The following ANKLE2 variants were observed in gnomAD, a reference collection of about 807,000 sequenced individuals.
ANKLE2 encodes ankyrin repeat and LEM domain-containing protein 2.
Under a neutral mutation model 84.2 loss-of-function variants are expected in ANKLE2, and 55 were observed. The observed-to-expected ratio is 0.65, with a 90% confidence interval of 0.53 to 0.82. ANKLE2 has a LOEUF of 0.82. Ranked by LOEUF, ANKLE2 falls within the 40% of genes least tolerant of loss-of-function variation. ANKLE2 has a pLI of 0.00. For synonymous variants in ANKLE2, 551 were observed against 486.1 expected (o/e 1.13, Z -1.76); for missense variants, 1,238 against 1,201.9 (o/e 1.03, Z -0.44).
intron 10 of ANKLE2, chr12:132,731,440 G>A (rs1008030472): frequency 3.3e-5 from 5 of 151,552 alleles, no homozygotes; most frequent in Non-Finnish European, 7.4e-5. Flanking sequence ...TATCATTCCA[G>A]GGAGTTTGTT....
At chr12:132,760,425 A>G (rs1255745267) in intron 1 of ANKLE2, 2 of 152,086 alleles carry the variant, frequency 1.3e-5, no homozygotes, top group Non-Finnish European at 2.9e-5. Context: ...CTTCCTGGAG[A>G]TACCAGCAGA....
In ANKLE2 at chr12:132,761,605, G is replaced by A. The variant is rs1012610644; in HGVS notation, c.181+13C>T. ...GCCAGGGTGCGGGGACCCAGCGACC[G>A]CCTGGGCCTTACCTGAGGCGGGGGC... On this transcript the variant is annotated intron_variant, in intron 1 of 12. Coordinates refer to ENST00000357997, the MANE Select transcript of ANKLE2 (RefSeq NM_015114.3). 7 of 1,229,734 alleles carry A rather than the reference G, an allele frequency of 5.7e-6. 1 individual carries two copies. The East Asian group carries it at 9.9e-5, about 17-fold the overall frequency. The allele number at this position is 1,229,734 out of a possible 1,614,324, so 76.2% of individuals were successfully genotyped here.
chr12:132,755,148 A>C lies in ANKLE2; in HGVS notation c.182-15T>G. ...TGTCATTTCACCTAGGCCCAAGACA[A>C]AAAAATCAAAGAGTCACAAAATACT... On this transcript the variant is annotated splice_polypyrimidine_tract_variant and intron_variant, in intron 1 of 12. Coordinates refer to ENST00000357997, the MANE Select transcript of ANKLE2 (RefSeq NM_015114.3). 1 of 1,577,230 alleles carries C rather than the reference A, an allele frequency of 6.3e-7. No homozygotes were observed. Among genetic ancestry groups the C allele is most frequent in the Non-Finnish European group, 8.6e-7 (1 of 1,168,856 alleles).
chr12:132,753,244 T>A (rs1238850131), intron 2 of ANKLE2, among the ~76,000 whole-genome samples: 2 of 151,366 alleles, frequency 1.3e-5, no homozygotes, highest in Non-Finnish European at 1.5e-5. Flanking sequence ...TCCTTGAGCC[T>A]GGTAGGCAGA....
At chr12:132,744,328 A>G (rs1286062455) in intron 5 of ANKLE2, among the ~76,000 whole-genome samples, 1 of 152,178 alleles carries the variant, frequency 6.6e-6, no homozygotes, top group East Asian at 1.9e-4. Context: ...GCACAGCCAG[A>G]AACACCTTCT....
chr12:132,734,166 AC>A (rs915019007), intron 10 of ANKLE2: 1 of 590,800 alleles, frequency 1.7e-6, no homozygotes, highest in Non-Finnish European at 3.0e-6. Context: ...AATCGCTTGA[AC>A]CCAGGAGGTG....
At chr12:132,744,189 C>T (rs888208474) in intron 5 of ANKLE2, among the ~76,000 whole-genome samples, 1 of 152,136 alleles carries the variant, frequency 6.6e-6, no homozygotes, top group Non-Finnish European at 1.5e-5. Context: ...TACAGACCAG[C>T]GGGCCTCATG....
chr12:132,754,010 A>G (rs1230108999), intron 2 of ANKLE2, among the ~76,000 whole-genome samples: 1 of 152,200 alleles, frequency 6.6e-6, no homozygotes, highest in Non-Finnish European at 1.5e-5. Context: ...TGGGAGGCCA[A>G]GGCAGGTGGA....
At chr12:132,758,933 GA>G (rs2044542856) in intron 1 of ANKLE2, 2 of 139,774 alleles carry the variant, frequency 1.4e-5, no homozygotes, top group Non-Finnish European at 1.6e-5. Context: ...CCACGTGGCA[GA>G]GTGGATCACG....
intron 5 of ANKLE2, among the ~76,000 whole-genome samples, chr12:132,744,595 G>A (rs1243519020): frequency 6.6e-6 from 1 of 152,166 alleles, no homozygotes; most frequent in African/African-American, 2.4e-5. Context: ...AGGTCTGGAT[G>A]TTTGCATATA....
chr12:132,736,760 G>T, intron 8 of ANKLE2, 133 bp downstream of exon 8: 1 of 1,068,882 alleles, frequency 9.4e-7, no homozygotes, highest in Non-Finnish European at 1.3e-6. Flanking sequence ...TGGATGGTTT[G>T]AGATGAGGAC....
rs774639241 is a variant in ANKLE2, at chr12:132,729,674, C to G, written c.2483+5G>C. On this transcript the variant is annotated splice_donor_5th_base_variant and intron_variant, in intron 11 of 12. Transcript: ENST00000357997. ...AAGTGAGTGCAGAGGGCAACACACT[C>G]CTACCCAAAAAGGAAGAGCCGCCTG... The G allele has an allele frequency of 1.3e-6, 2 of 1,590,906 alleles. No individual in the cohort carries two copies. Among genetic ancestry groups the G allele is most frequent in the East Asian group, 4.5e-5 (2 of 44,150 alleles).
intron 1 of ANKLE2, 189 bp from the exon 2 acceptor site, chr12:132,755,322 T>A: frequency 1.8e-6 from 1 of 543,026 alleles, no homozygotes; most frequent in Non-Finnish European, 3.2e-6. Context: ...GGCGGGCGGA[T>A]CATCTGAGGT....
At chr12:132,749,242 G>A (rs570317928) in intron 3 of ANKLE2, among the ~76,000 whole-genome samples, 15 of 152,194 alleles carry the variant, frequency 9.9e-5, no homozygotes, top group Non-Finnish European at 1.8e-4. Context: ...TGCAACCTCC[G>A]CCTTCCAGTT....
Position 132,750,672 on chromosome 12 carries a change from G to A in ANKLE2, c.818C>T (p.Ala273Val), listed in dbSNP as rs780418970. The A allele has an allele frequency of 6.2e-7, 1 of 1,614,250 alleles. No individual in the cohort carries two copies. Among genetic ancestry groups the A allele is most frequent in the South Asian group, 1.1e-5 (1 of 91,088 alleles). ...TSLPLSPVKT[A>V]PLFSNDRLKD... ...CAACCTGTCATTGCTAAAGAGTGGA[G>A]CTGTTTTCACAGGAGACAGTGGTAA... The change falls in exon 3 of 13, where the codon GCT becomes GTT. Residue 273 changes from alanine (A) to valine (V), a missense_variant. By Grantham distance (64) the Ala-to-Val change is moderately conservative. This residue lies in a region of ANKLE2 where 422 missense variants were observed against 394.5 expected (regional missense o/e 1.07). Transcript: ENST00000357997.
chr12:132,746,172 C>A (rs573659413), intron 5 of ANKLE2, among the ~76,000 whole-genome samples: 7 of 152,072 alleles, frequency 4.6e-5, no homozygotes, highest in Non-Finnish European at 8.8e-5. Flanking sequence ...CACGGTGAAA[C>A]CCCATCTCTA....
chr12:132,750,634 A>G lies in ANKLE2; in HGVS notation c.847+9T>C, dbSNP rs762834191. ...GGAACATCAAGATGTGAACGGCTGCATGATTTACCTTTCAACCTGTCATTG... is the reference window on the plus strand; with the variant it reads ...GGAACATCAAGATGTGAACGGCTGCGTGATTTACCTTTCAACCTGTCATTG... On this transcript the variant is annotated intron_variant, in intron 3 of 12. Transcript: ENST00000357997. 9.9e-6 allele frequency: 16 copies of G among 1,613,584 alleles called. No homozygotes were observed. The highest frequency in any genetic ancestry group is 1.3e-5 in the Non-Finnish European group (15 of 1,179,796).
At chr12:132,733,620 G>A (rs140620565) in intron 10 of ANKLE2, among the ~76,000 whole-genome samples, 428 of 150,232 alleles carry the variant, frequency 2.8e-3, no homozygotes, top group Non-Finnish European at 5.0e-3. Flanking sequence ...GAAATGCACC[G>A]TGTGAAGCTC....
intron 5 of ANKLE2, among the ~76,000 whole-genome samples, chr12:132,744,781 C>A (rs1434261724): frequency 6.6e-6 from 1 of 152,080 alleles, no homozygotes; most frequent in Non-Finnish European, 1.5e-5. Flanking sequence ...CCCGGGTTCA[C>A]GCCATTCTCC....
Sources: gnomAD v4.1 joint callset for allele counts (sites outside exome capture counted in the v4.1 genomes callset) on GRCh38, gnomAD v4.1.1 for gene constraint, gnomAD v4.1.1 regional missense constraint, MANE v1.5 for transcripts, NCBI Gene and HGNC (gene_info 2026-07-23, HGNC 2026-07-21) for gene names.